SPATA17: variants seen among roughly 807,000 people sequenced by gnomAD.
SPATA17 encodes spermatogenesis associated 17.
Under a neutral mutation model 62.2 loss-of-function variants are expected in SPATA17, and 53 were observed. The observed-to-expected ratio is 0.85, with a 90% CI of 0.68 to 1.07. The LOEUF is 1.07. Ranked by LOEUF, SPATA17 falls within the 50% of genes least tolerant of loss-of-function variation. SPATA17 has a pLI of 0.00. For synonymous variants in SPATA17, 146 were observed against 146.8 expected, an observed-to-expected ratio of 0.99 and a Z score of 0.04; for missense variants, 466 against 425.5, an observed-to-expected ratio of 1.10 and a Z score of -0.84.
chr1:217,852,908 G>T (rs1307591162), intron 9 of SPATA17, among the ~76,000 whole-genome samples: 1 of 151,948 alleles, frequency 6.6e-6, no homozygotes, highest in Non-Finnish European at 1.5e-5. Context: ...AATTCCCTCA[G>T]TCCTTCTCCA....
At chr1:217,722,657 A>T (rs1043924096) in intron 5 of SPATA17, among the ~76,000 whole-genome samples, 6 of 152,062 alleles carry the variant, frequency 3.9e-5, no homozygotes, top group African/African-American at 1.4e-4. Flanking sequence ...TTTCCAATTA[A>T]TTTTTCTTCT....
intron 2 of SPATA17, among the ~76,000 whole-genome samples, chr1:217,649,411 G>A (rs1262771129): frequency 6.6e-6 from 1 of 152,144 alleles, no homozygotes; most frequent in African/African-American, 2.4e-5. Context: ...CCCGGAAGGC[G>A]AAGTTTGCAG....
intron 8 of SPATA17, among the ~76,000 whole-genome samples, chr1:217,800,211 G>A (rs1254763019): frequency 6.6e-6 from 1 of 152,154 alleles, no homozygotes; most frequent in African/African-American, 2.4e-5. Flanking sequence ...CTCTATGGGT[G>A]TAAAAGAGTG....
chr1:217,729,288 C>G (rs766126749), intron 5 of SPATA17, among the ~76,000 whole-genome samples: 14 of 152,178 alleles, frequency 9.2e-5, no homozygotes, highest in Non-Finnish European at 2.1e-4. Flanking sequence ...AGGGAGGCCA[C>G]TTTTTCATAC....
intron 5 of SPATA17, among the ~76,000 whole-genome samples, chr1:217,713,950 G>A (rs1381825023): frequency 1.3e-5 from 2 of 152,126 alleles, no homozygotes; most frequent in Non-Finnish European, 2.9e-5. Context: ...GATGAACATT[G>A]TTATTTCTGA....
At chr1:217,787,618 A>G (rs1437924719) in intron 8 of SPATA17, among the ~76,000 whole-genome samples, 2 of 152,196 alleles carry the variant, frequency 1.3e-5, no homozygotes, top group Non-Finnish European at 2.9e-5. Flanking sequence ...ATTTATTGTA[A>G]AAACCTTAAA....
chr1:217,674,610 C>T (rs1257639505), intron 4 of SPATA17, among the ~76,000 whole-genome samples: 4 of 152,210 alleles, frequency 2.6e-5, no homozygotes, highest in South Asian at 2.1e-4. Context: ...AAGGGGAACA[C>T]GGTGGTGCCC....
intron 7 of SPATA17, chr1:217,781,163 G>C (rs963509507): frequency 6.6e-6 from 1 of 151,966 alleles, no homozygotes; most frequent in Non-Finnish European, 1.5e-5. Context: ...TCCTATTATT[G>C]GTTTCTATTA....
intron 9 of SPATA17, among the ~76,000 whole-genome samples, chr1:217,825,874 A>G (rs1674988974): frequency 6.6e-6 from 1 of 152,122 alleles, no homozygotes; most frequent in African/African-American, 2.4e-5. Context: ...TATGTTTCTC[A>G]ATAAAAATTG....
chr1:217,677,877 T>C (rs568337569), intron 4 of SPATA17, among the ~76,000 whole-genome samples: 1 of 152,192 alleles, frequency 6.6e-6, no homozygotes, highest in Non-Finnish European at 1.5e-5. Context: ...TTTTCACATA[T>C]ACGTCCTATA....
At chr1:217,835,993 T>C (rs896366384) in intron 9 of SPATA17, among the ~76,000 whole-genome samples, 2 of 152,082 alleles carry the variant, frequency 1.3e-5, no homozygotes, top group African/African-American at 4.8e-5. Flanking sequence ...CCCCTATGAT[T>C]GTACTCCCCA....
intron 9 of SPATA17, among the ~76,000 whole-genome samples, chr1:217,851,763 CAGA>C (rs1443601756): frequency 6.6e-6 from 1 of 152,088 alleles, no homozygotes; most frequent in African/African-American, 2.4e-5. Context: ...AAATGGTATA[CAGA>C]AGGAGATAGA....
intron 4 of SPATA17, among the ~76,000 whole-genome samples, chr1:217,676,523 G>A (rs1246159458): frequency 6.6e-6 from 1 of 152,082 alleles, no homozygotes; most frequent in Non-Finnish European, 1.5e-5. Flanking sequence ...GTCAACTGCT[G>A]TTTCTAAATT....
chr1:217,783,222 A>G (rs996980308), intron 8 of SPATA17, among the ~76,000 whole-genome samples: 3 of 151,494 alleles, frequency 2.0e-5, no homozygotes, highest in African/African-American at 7.2e-5. Flanking sequence ...TTGATATAGA[A>G]GGAAATTAGA....
At chr1:217,831,230 G>T (rs1254931230) in intron 9 of SPATA17, among the ~76,000 whole-genome samples, 1 of 152,110 alleles carries the variant, frequency 6.6e-6, no homozygotes, top group African/African-American at 2.4e-5. Context: ...TGTCCATTGT[G>T]TTACAAATGT....
chr1:217,808,706 G>C (rs1385013617), intron 9 of SPATA17, among the ~76,000 whole-genome samples: 1 of 151,930 alleles, frequency 6.6e-6, no homozygotes, highest in South Asian at 2.1e-4. Flanking sequence ...ACAAAAATTA[G>C]CAGCTGGGTG....
chr1:217,756,427 A>G (rs1379432596), intron 6 of SPATA17, among the ~76,000 whole-genome samples: 2 of 152,116 alleles, frequency 1.3e-5, no homozygotes, highest in African/African-American at 4.8e-5. Context: ...TACACAATAG[A>G]TATAGGATGA....
At chr1:217,777,738 C>G (rs1276605872) in intron 7 of SPATA17, among the ~76,000 whole-genome samples, 2 of 152,044 alleles carry the variant, frequency 1.3e-5, no homozygotes, top group African/African-American at 4.8e-5. Flanking sequence ...GTAAACTAAT[C>G]CATTTATCTG....
intron 6 of SPATA17, among the ~76,000 whole-genome samples, chr1:217,760,462 A>G (rs1035982558): frequency 2.0e-5 from 3 of 152,216 alleles, no homozygotes; most frequent in African/African-American, 7.2e-5. Flanking sequence ...AGAAGCCACA[A>G]GTTTATAGAA....
Sources: gnomAD v4.1 joint callset for allele counts (sites outside exome capture counted in the v4.1 genomes callset) on GRCh38, gnomAD v4.1.1 for gene constraint, MANE v1.5 for transcripts, NCBI Gene and HGNC (gene_info 2026-07-23, HGNC 2026-07-21) for gene names.